The following CDYL variants were observed in gnomAD, a reference collection of about 807,000 sequenced individuals.
CDYL encodes chromodomain Y like, also known as chromodomain Y-like protein.
Under a neutral mutation model 47.3 loss-of-function variants are expected in CDYL, and 8 were observed. That is an observed-to-expected ratio of 0.17 (90% CI 0.10 to 0.31). The LOEUF (loss-of-function observed/expected upper bound fraction) is 0.31. CDYL is among the 10% of genes least tolerant of loss of function. CDYL has a pLI of 1.00. For synonymous variants in CDYL, 266 were observed against 265.0 expected, an observed-to-expected ratio of 1.00 and a Z score of -0.04; for missense variants, 471 against 701.4, an observed-to-expected ratio of 0.67 and a Z score of 3.71.
intron 2 of CDYL, among the ~76,000 whole-genome samples, chr6:4,928,106 C>A (rs1394013646): frequency 2.6e-5 from 4 of 152,154 alleles, no homozygotes; most frequent in African/African-American, 4.8e-5. Flanking sequence ...ACTCATTATT[C>A]TTTTCAAAAA....
chr6:4,758,036 C>A (rs1758102900), intron 3 of CDYL, among the ~76,000 whole-genome samples: 1 of 151,900 alleles, frequency 6.6e-6, no homozygotes, highest in Non-Finnish European at 1.5e-5. Flanking sequence ...ACAAAATTAA[C>A]TTTTATTAAA....
chr6:4,799,310 A>G (rs1759159612), intron 1 of CDYL, among the ~76,000 whole-genome samples: 1 of 152,128 alleles, frequency 6.6e-6, no homozygotes, highest in South Asian at 2.1e-4. Flanking sequence ...GAATTGTTTT[A>G]TGGCCCAGTA....
intron 2 of CDYL, among the ~76,000 whole-genome samples, chr6:4,895,862 C>A (rs1369004168): frequency 4.6e-5 from 7 of 152,192 alleles, no homozygotes; most frequent in African/African-American, 7.2e-5. Context: ...GACTTCCTTT[C>A]TAAAAAACAT....
intron 2 of CDYL, among the ~76,000 whole-genome samples, chr6:4,903,119 GGTTT>G (rs139051000): frequency 6.6e-6 from 1 of 152,272 alleles, no homozygotes; most frequent in Non-Finnish European, 1.5e-5. Flanking sequence ...TAAAAGGAAT[GGTTT>G]GTTAGGGTAG....
In CDYL at chr6:4,717,287, A is replaced by T. The variant is rs952354783; in HGVS notation, c.103+1406A>T. On this transcript the variant is annotated intron_variant, in intron 2 of 8. Coordinates refer to the CDYL transcript ENST00000328908. ...CTGTTCCGCCTACTGGGATGCTTCC[A>T]CTCCTACAGCTTCCAGAGCCTGGTG... 3.9e-5 allele frequency among the ~76,000 whole-genome samples: 6 copies of T among 152,056 alleles called. No individual in the cohort carries two copies. In the East Asian group the frequency reaches 1.2e-3, roughly 29 times the overall value.
At chr6:4,804,021 A>G (rs1759300556) in intron 1 of CDYL, among the ~76,000 whole-genome samples, 1 of 148,448 alleles carries the variant, frequency 6.7e-6, no homozygotes, top group African/African-American at 2.5e-5. Flanking sequence ...TGATTTTTAA[A>G]ATACTTTGTT....
rs1432224311 is a variant in CDYL at position 4,783,362 on chromosome 6, C to T, written c.24+6555C>T. On this transcript the variant is annotated intron_variant, in intron 1 of 6. Coordinates refer to ENST00000397588, the MANE Select transcript of CDYL (RefSeq NM_004824.4). ...TTAATTGGTTAATTTCTTTCAGCTC[C>T]TTCTGAAGATGGTGCTCCATTGTCT... 3.3e-5 allele frequency among the ~76,000 whole-genome samples: 5 copies of T among 151,270 alleles called. No homozygotes were observed. The East Asian group carries it at 7.7e-4, about 23-fold the overall frequency.
At chr6:4,706,603 G>A (rs751289398) in intron 1 of CDYL, among the ~76,000 whole-genome samples, 2 of 151,912 alleles carry the variant, frequency 1.3e-5, no homozygotes, top group Non-Finnish European at 2.9e-5. Context: ...TGGCCAACAT[G>A]GTAAAACCCC....
Position 4,937,551 on chromosome 6 carries a change from C to A in CDYL, c.949-14C>A. The A allele has an allele frequency of 6.6e-7, 1 of 1,516,862 alleles. No individual in the cohort carries two copies. The highest frequency in any genetic ancestry group is 8.8e-7 in the Non-Finnish European group (1 of 1,133,066). 94.0% of individuals were successfully genotyped at this position (1,516,862 alleles called of 1,614,324 possible). On this transcript the variant is annotated splice_polypyrimidine_tract_variant and intron_variant, in intron 3 of 6. Transcript: ENST00000397588. Reference sequence around the variant, plus strand: ...AAAATATTCTTTGCCACTTTAACTTCTGGTGACTTTCAGGTAATGAGAGAA... The same window carrying A: ...AAAATATTCTTTGCCACTTTAACTTATGGTGACTTTCAGGTAATGAGAGAA...
intron 1 of CDYL, among the ~76,000 whole-genome samples, chr6:4,790,459 G>C (rs936867565): frequency 4.6e-5 from 7 of 152,128 alleles, no homozygotes; most frequent in Non-Finnish European, 8.8e-5. Flanking sequence ...ATTTTTCTTG[G>C]TATGAGGACT....
At chr6:4,744,866 A>C (rs1757861589) in intron 3 of CDYL, among the ~76,000 whole-genome samples, 1 of 152,180 alleles carries the variant, frequency 6.6e-6, no homozygotes, top group Non-Finnish European at 1.5e-5. Context: ...CTTCAAAGAA[A>C]TGACTCTCAA....
At chr6:4,876,229 G>C (rs535029159) in intron 1 of CDYL, among the ~76,000 whole-genome samples, 1 of 152,246 alleles carries the variant, frequency 6.6e-6, no homozygotes, top group South Asian at 2.1e-4. Context: ...TTATACCACA[G>C]TTTGGTCAGT....
At chr6:4,935,943 G>A (rs1758179117) in intron 3 of CDYL, among the ~76,000 whole-genome samples, 172 bp downstream of exon 3, 1 of 152,198 alleles carries the variant, frequency 6.6e-6, no homozygotes, top group South Asian at 2.1e-4. Flanking sequence ...TTTGCTCCAT[G>A]TCCCACCTCC....
At chr6:4,862,415 A>C (rs1761196094) in intron 1 of CDYL, among the ~76,000 whole-genome samples, 2 of 152,156 alleles carry the variant, frequency 1.3e-5, no homozygotes, top group African/African-American at 4.8e-5. Flanking sequence ...GTGACAGCTC[A>C]CCCTACAACT....
chr6:4,952,248 C>A lies in CDYL; in HGVS notation c.1333-18C>A. 6.2e-7 allele frequency: 1 copy of A among 1,609,988 alleles called. No individual in the cohort carries two copies. ...CTCCCACCGCAATTCATATTACATC[C>A]ACTCTTCTTCCTTGCAGGCAAACGA... On this transcript the variant is annotated intron_variant, in intron 5 of 6. Transcript: ENST00000397588.
intron 3 of CDYL, among the ~76,000 whole-genome samples, chr6:4,764,493 G>C (rs1010871276): frequency 6.6e-6 from 1 of 152,038 alleles, no homozygotes; most frequent in Non-Finnish European, 1.5e-5. Flanking sequence ...TGTCACCATG[G>C]TGGTCAGGCT....
At chr6:4,822,389 G>C (rs780270604) in intron 1 of CDYL, among the ~76,000 whole-genome samples, 2 of 150,572 alleles carry the variant, frequency 1.3e-5, no homozygotes, top group Non-Finnish European at 2.9e-5. Context: ...AATATAAAAA[G>C]CATTAACAAA....
At chr6:4,796,180 G>C (rs1252245011) in intron 1 of CDYL, among the ~76,000 whole-genome samples, 1 of 152,108 alleles carries the variant, frequency 6.6e-6, no homozygotes, top group African/African-American at 2.4e-5. Context: ...TGATCCGCCT[G>C]CCTCGGCCTC....
At chr6:4,706,787 A>T (rs1757054212) in intron 1 of CDYL, among the ~76,000 whole-genome samples, 3 of 152,164 alleles carry the variant, frequency 2.0e-5, no homozygotes, top group Non-Finnish European at 4.4e-5. Flanking sequence ...ACACTGTCGT[A>T]AAATAAATAA....
Sources: allele counts gnomAD v4.1 joint callset (sites outside exome capture counted in the v4.1 genomes callset), GRCh38; gene constraint gnomAD v4.1.1; transcripts MANE v1.5; gene names NCBI Gene and HGNC (gene_info 2026-07-23, HGNC 2026-07-21).